The following LAMA3 variants were observed in gnomAD, a reference collection of about 807,000 sequenced individuals.
LAMA3 encodes laminin subunit alpha 3.
A neutral mutation model predicts 402.0 loss-of-function variants in LAMA3; 281 were observed. The ratio of observed to expected loss-of-function variants is 0.70; its 90% CI spans 0.63 to 0.77. The LOEUF (loss-of-function observed/expected upper bound fraction) is 0.77. Among genes scored for constraint, LAMA3 ranks in the 30% least tolerant of loss-of-function variants. The pLI, the probability that LAMA3 is intolerant of heterozygous loss-of-function variation, is 0.00. For missense variants in LAMA3, 3,840 were observed against 4,215.5 expected (o/e 0.91, Z 2.47); for synonymous variants, 1,431 against 1,558.4 (o/e 0.92, Z 1.93).
At chr18:23,708,540 T>C (rs1039514816) in intron 1 of LAMA3, among the ~76,000 whole-genome samples, 1 of 152,200 alleles carries the variant, frequency 6.6e-6, no homozygotes, top group African/African-American at 2.4e-5. Flanking sequence ...AATTTTTATT[T>C]GTCAAATTTC....
chr18:23,749,051 T>C lies in LAMA3; in HGVS notation c.566-377T>C, dbSNP rs550536356. On this transcript the variant is annotated intron_variant, in intron 3 of 74. Transcript: ENST00000313654. Reference sequence around the variant, plus strand: ...GTTCCTGTGCTGTGCTTTACTTACCTCAACTCTGTTATCTTCACTAATGAA... The same window carrying C: ...GTTCCTGTGCTGTGCTTTACTTACCCCAACTCTGTTATCTTCACTAATGAA... Among the ~76,000 whole-genome samples the C allele has an allele frequency of 2.0e-5, 3 of 152,342 alleles. No homozygotes were observed. In the East Asian group the frequency reaches 5.8e-4, roughly 29 times the overall value.
chr18:23,745,677 C>T (rs530366854), intron 2 of LAMA3, among the ~76,000 whole-genome samples: 23 of 152,242 alleles, frequency 1.5e-4, no homozygotes, highest in African/African-American at 5.3e-4. Flanking sequence ...AATAAAACTC[C>T]GCTTCTTATT....
intron 2 of LAMA3, among the ~76,000 whole-genome samples, chr18:23,740,916 G>A (rs942534419): frequency 6.6e-6 from 1 of 151,970 alleles, no homozygotes; most frequent in Non-Finnish European, 1.5e-5. Context: ...CCAGTAAGAG[G>A]AGCTGAGAGT....
intron 2 of LAMA3, among the ~76,000 whole-genome samples, chr18:23,744,930 A>G (rs9956041): frequency 0.019 from 2,903 of 152,074 alleles, 89 homozygotes; most frequent in African/African-American, 0.062. Flanking sequence ...ACTCACTGCC[A>G]TATGTAATCC....
chr18:23,884,130 T>A (rs1321336521), intron 40 of LAMA3, among the ~76,000 whole-genome samples: 1 of 151,654 alleles, frequency 6.6e-6, no homozygotes, highest in Non-Finnish European at 1.5e-5. Context: ...TCATCACTTA[T>A]TGCTTCTCAG....
chr18:23,817,236 A>G (rs569233949), intron 18 of LAMA3, among the ~76,000 whole-genome samples: 8 of 152,292 alleles, frequency 5.3e-5, no homozygotes, highest in Middle Eastern at 6.8e-3. Flanking sequence ...TTAAGCCATT[A>G]TATTTTACCA....
chr18:23,827,004 G>T (rs753651227), intron 22 of LAMA3, among the ~76,000 whole-genome samples: 1 of 152,200 alleles, frequency 6.6e-6, no homozygotes, highest in Non-Finnish European at 1.5e-5. Context: ...CTTAGGAGTG[G>T]CTACCACCCT....
chr18:23,820,124 T>C (rs2063256290), intron 19 of LAMA3, 127 bp downstream of exon 19: 1 of 966,702 alleles, frequency 1.0e-6, no homozygotes, highest in Non-Finnish European at 1.6e-6. Flanking sequence ...TTCTCTATAT[T>C]ATGGGTTGGC....
intron 70 of LAMA3, chr18:23,946,496 C>A (rs559677327): frequency 2.2e-5 from 13 of 602,880 alleles, no homozygotes; most frequent in African/African-American, 2.0e-4. Context: ...GAGACGCAGG[C>A]CCTGAAAGGG....
intron 42 of LAMA3, among the ~76,000 whole-genome samples, chr18:23,891,832 G>A (rs2080678735): frequency 6.6e-6 from 1 of 152,130 alleles, no homozygotes; most frequent in Admixed American, 6.6e-5. Flanking sequence ...TCTAAAGCCG[G>A]GGTCCATGGC....
chr18:23,903,987 AAAGT>A lies in LAMA3; in HGVS notation c.6377_6380del (p.Val2126GlufsTer81), dbSNP rs1555732431. ...TGAAGCAAGACAAGAACTAAGTGACAAAGTAAGAGAACTTTCCAGATCTGCTGGC... is the reference window on the plus strand; with the variant it reads ...TGAAGCAAGACAAGAACTAAGTGACAAAGAGAACTTTCCAGATCTGCTGGC... On this transcript the variant is annotated frameshift_variant, in exon 50 of 75. Coordinates refer to ENST00000313654, the MANE Select transcript of LAMA3 (RefSeq NM_198129.4). LOFTEE classifies it high-confidence loss of function. 1.9e-6 allele frequency: 3 copies of A among 1,614,076 alleles called. No homozygotes were observed. Among genetic ancestry groups the A allele is most frequent in the African/African-American group, 1.3e-5 (1 of 75,070 alleles).
intron 39 of LAMA3, among the ~76,000 whole-genome samples, chr18:23,877,547 G>C (rs2064762283): frequency 6.6e-6 from 1 of 152,168 alleles, no homozygotes; most frequent in Admixed American, 6.5e-5. Flanking sequence ...AATGCAACTA[G>C]AGTGTGTTTC....
intron 49 of LAMA3, 51 bp downstream of exon 49, chr18:23,903,176 T>C: frequency 1.7e-6 from 2 of 1,157,578 alleles, no homozygotes; most frequent in Non-Finnish European, 2.6e-6. Context: ...TTTAATTATA[T>C]TGTGAGAAAA....
intron 2 of LAMA3, among the ~76,000 whole-genome samples, chr18:23,744,302 C>T (rs1352718519): frequency 6.6e-6 from 1 of 152,160 alleles, no homozygotes; most frequent in Non-Finnish European, 1.5e-5. Context: ...CAAAGAGATA[C>T]ACCCTACCAA....
intron 41 of LAMA3, among the ~76,000 whole-genome samples, chr18:23,887,223 C>A (rs2065100474): frequency 6.6e-6 from 1 of 152,062 alleles, no homozygotes; most frequent in Admixed American, 6.5e-5. Flanking sequence ...TCAAAACATG[C>A]CATTAAAATA....
At chr18:23,913,882 A>G (rs2081518473) in intron 56 of LAMA3, among the ~76,000 whole-genome samples, 1 of 152,272 alleles carries the variant, frequency 6.6e-6, no homozygotes, top group African/African-American at 2.4e-5. Flanking sequence ...ATGCCAATGC[A>G]CACTTAAAAT....
At chr18:23,713,775 G>T in intron 1 of LAMA3, 145 bp from the exon 2 acceptor site, 1 of 704,574 alleles carries the variant, frequency 1.4e-6, no homozygotes, top group Non-Finnish European at 2.4e-6. Flanking sequence ...ATACATTCCA[G>T]TGAATTTTAA....
chr18:23,706,806 C>T (rs9951588), intron 1 of LAMA3, among the ~76,000 whole-genome samples: 7,315 of 152,218 alleles, frequency 0.048, 433 homozygotes, highest in Admixed American at 0.17. Flanking sequence ...TGGCCAGGTG[C>T]GGTGGCTCAC....
intron 68 of LAMA3, among the ~76,000 whole-genome samples, chr18:23,942,102 G>A (rs1020311248): frequency 2.6e-5 from 4 of 152,174 alleles, no homozygotes; most frequent in African/African-American, 9.7e-5. Context: ...AAAGCAAAGA[G>A]AATTAACAGT....
Sources: allele counts gnomAD v4.1 joint callset (sites outside exome capture counted in the v4.1 genomes callset), GRCh38; gene constraint gnomAD v4.1.1; transcripts MANE v1.5; gene names NCBI Gene and HGNC (gene_info 2026-07-23, HGNC 2026-07-21).